CDH3: variants seen among roughly 807,000 people sequenced by gnomAD.
The protein encoded by CDH3 is cadherin 3.
CDH3 carries 54 observed loss-of-function variants against 82.0 expected under a neutral mutation model. The observed-to-expected ratio is 0.66, with a 90% confidence interval of 0.53 to 0.83. CDH3 has a LOEUF of 0.83. CDH3 is among the 40% of genes least tolerant of loss of function. The pLI is 0.00. For synonymous variants in CDH3, 446 were observed against 437.9 expected, an observed-to-expected ratio of 1.02 and a Z score of -0.23; for missense variants, 1,054 against 1,084.6, an observed-to-expected ratio of 0.97 and a Z score of 0.40.
chr16:68,652,562 A>G (rs900938104), intron 2 of CDH3, among the ~76,000 whole-genome samples: 2 of 152,204 alleles, frequency 1.3e-5, no homozygotes, highest in African/African-American at 4.8e-5. Flanking sequence ...GTCTCCATTC[A>G]GAGACTCGAT....
At position 68,645,701 on chromosome 16, in the gene CDH3, C is replaced by T. The variant is rs199610937; in HGVS notation, c.111C>T (p.Thr37=). 3.2e-6 allele frequency: 5 copies of T among 1,546,260 alleles called. No homozygotes were observed. Among genetic ancestry groups the T allele is most frequent in the Non-Finnish European group, 4.4e-6 (5 of 1,146,586 alleles). Residue 37 remains threonine, a synonymous_variant, in exon 2 of 16, where the codon ACC becomes ACT. Coordinates refer to ENST00000264012, the MANE Select transcript of CDH3 (RefSeq NM_001793.6). The stretch of plus-strand genomic sequence containing the variant: ...CGGTCTTCAGGGAGGCTGAAGTGAC[C>T]TTGGAGGCGGGAGGCGCGGAGCAGG... ...CRAVFREAEV[T]LEAGGAEQEP... is the part of the protein sequence containing the mutation.
intron 12 of CDH3, among the ~76,000 whole-genome samples, chr16:68,690,386 G>A (rs546374560): frequency 1.6e-4 from 24 of 152,104 alleles, no homozygotes; most frequent in African/African-American, 5.5e-4. Context: ...TTGGGAGGCC[G>A]AGGTGGGGCA....
At chr16:68,714,379 A>G (rs1447478161) in intron 1 of CDH3, among the ~76,000 whole-genome samples, 3 of 152,216 alleles carry the variant, frequency 2.0e-5, no homozygotes, top group Admixed American at 1.3e-4. Flanking sequence ...CCTTCTGTGA[A>G]TTCCATCACC....
chr16:68,723,393 C>A (rs1039182539), intron 2 of CDH3, among the ~76,000 whole-genome samples: 14 of 152,122 alleles, frequency 9.2e-5, no homozygotes, highest in Admixed American at 2.6e-4. Flanking sequence ...TCCGTAAACA[C>A]CCCTTGCTTG....
intron 2 of CDH3, among the ~76,000 whole-genome samples, chr16:68,648,716 T>A (rs1422631654): frequency 1.3e-5 from 2 of 152,038 alleles, no homozygotes; most frequent in South Asian, 4.1e-4. Context: ...TCCCAAGCAC[T>A]GAGATGACAG....
At chr16:68,692,150 G>T (rs1053421922) in intron 13 of CDH3, among the ~76,000 whole-genome samples, 3 of 152,066 alleles carry the variant, frequency 2.0e-5, no homozygotes, top group African/African-American at 7.2e-5. Context: ...GATCTTCCCA[G>T]CTCAGCCTCC....
intron 2 of CDH3, among the ~76,000 whole-genome samples, chr16:68,668,391 A>G (rs1215014565): frequency 6.6e-6 from 1 of 152,164 alleles, no homozygotes. Context: ...ATGAGTGATG[A>G]TGAGACCTGG....
intron 2 of CDH3, among the ~76,000 whole-genome samples, chr16:68,670,458 C>T (rs1015219952): frequency 6.6e-6 from 1 of 151,988 alleles, no homozygotes; most frequent in African/African-American, 2.4e-5. Flanking sequence ...TACACATTCC[C>T]GGTTGGGGTT....
Position 68,687,669 on chromosome 16 carries a change from C to T in CDH3, c.1728C>T (p.Thr576=). The T allele has an allele frequency of 1.9e-6, 3 of 1,614,114 alleles. No individual in the cohort carries two copies. The highest frequency in any genetic ancestry group is 2.5e-6 in the Non-Finnish European group (3 of 1,180,010). The part of the protein sequence containing the change: ...NITDKDLSPH[T]SPFQAQLTDD... The stretch of plus-strand genomic sequence containing the variant: ...CGGACAAGGACCTGTCTCCCCACAC[C>T]TCCCCTTTCCAGGCCCAGCTCACAG... Residue 576 remains threonine, a synonymous_variant, in exon 12 of 16, where the codon ACC becomes ACT. Transcript: ENST00000264012.
intron 3 of CDH3, among the ~76,000 whole-genome samples, chr16:68,677,812 G>C (rs1961073568): frequency 6.6e-6 from 1 of 152,166 alleles, no homozygotes; most frequent in South Asian, 2.1e-4. Flanking sequence ...TATTTTTAGA[G>C]CTGCATAGTA....
At chr16:68,711,136 C>A (rs1962024875) in intron 1 of CDH3, among the ~76,000 whole-genome samples, 2 of 151,776 alleles carry the variant, frequency 1.3e-5, no homozygotes, top group Non-Finnish European at 2.9e-5. Context: ...CATGGAGAAA[C>A]CCTGTCCCTA....
chr16:68,658,066 T>TTTC, intron 2 of CDH3, among the ~76,000 whole-genome samples: 1 of 146,484 alleles, frequency 6.8e-6, no homozygotes, highest in African/African-American at 2.6e-5. Flanking sequence ...TTCTTTCTTT[T>TTTC]TTTTTTTTTT....
downstream of CDH3, among the ~76,000 whole-genome samples, chr16:68,732,116 C>T (rs933719886): frequency 1.3e-5 from 2 of 150,104 alleles, no homozygotes; most frequent in South Asian, 2.1e-4. Flanking sequence ...CAACTGGAGG[C>T]GGTATAGCCA....
intron 11 of CDH3, 83 bp from the exon 12 acceptor site, chr16:68,687,429 A>T: frequency 9.8e-7 from 1 of 1,020,710 alleles, no homozygotes; most frequent in Non-Finnish European, 1.6e-6. Context: ...GAGAGGTGAG[A>T]GCTGGGCGGT....
chr16:68,658,269 T>G (rs201573996), intron 2 of CDH3, among the ~76,000 whole-genome samples: 246 of 152,184 alleles, frequency 1.6e-3, no homozygotes, highest in Non-Finnish European at 2.6e-3. Flanking sequence ...ATTTGGAAAT[T>G]CTTCAGACTC....
At position 68,654,169 on chromosome 16, in the gene CDH3, C is replaced by T. The variant is rs372324570; in HGVS notation, c.160+8419C>T. Reference sequence around the variant, plus strand: ...CCGCCTCCCGGATTCAAGCGATTCTCCTGCCTCAGCCTCCTGAATAGCTGG... The same window carrying T: ...CCGCCTCCCGGATTCAAGCGATTCTTCTGCCTCAGCCTCCTGAATAGCTGG... On this transcript the variant is annotated intron_variant, in intron 2 of 15. Coordinates refer to ENST00000264012, the MANE Select transcript of CDH3 (RefSeq NM_001793.6). Among the ~76,000 whole-genome samples the T allele has an allele frequency of 3.7e-4, 55 of 149,918 alleles. 1 individual carries two copies. The highest frequency in any genetic ancestry group is 1.1e-3 in the Admixed American group (17 of 15,062).
chr16:68,731,899 AAAG>A (rs1183269148), downstream of CDH3, among the ~76,000 whole-genome samples: 1 of 152,152 alleles, frequency 6.6e-6, no homozygotes, highest in African/African-American at 2.4e-5. Flanking sequence ...TAGAAAGATG[AAAG>A]AAGATTTGGT....
chr16:68,684,773 C>G lies in CDH3; in HGVS notation c.1373C>G (p.Pro458Arg), dbSNP rs200493479. The G allele has an allele frequency of 1.5e-4, 237 of 1,614,070 alleles. No homozygotes were observed. Among genetic ancestry groups the G allele is most frequent in the Non-Finnish European group, 1.9e-4 (221 of 1,180,038 alleles). The change falls in exon 10 of 16, where the codon CCT (proline) becomes CGT (arginine). Residue 458 changes from proline (P) to arginine (R), a missense_variant. Coordinates refer to ENST00000264012, the MANE Select transcript of CDH3 (RefSeq NM_001793.6). The part of the protein sequence containing the change: ...EVQEGIPTGE[P>R]VCVYTAEDPD... ...CAGGAGGGCATCCCCACTGGGGAGC[C>G]TGTGTGTGTCTACACTGCAGAAGAC...
intron 2 of CDH3, among the ~76,000 whole-genome samples, chr16:68,655,537 A>G (rs1193000093): frequency 2.6e-5 from 4 of 152,132 alleles, no homozygotes; most frequent in African/African-American, 9.7e-5. Flanking sequence ...TAAGTACAAT[A>G]TATGCATATA....
Sources: allele counts gnomAD v4.1 joint callset (sites outside exome capture counted in the v4.1 genomes callset), GRCh38; gene constraint gnomAD v4.1.1; transcripts MANE v1.5; gene names NCBI Gene and HGNC (gene_info 2026-07-23, HGNC 2026-07-21).